The following SLC5A9 variants were observed in gnomAD, a reference collection of about 807,000 sequenced individuals.
SLC5A9 encodes the protein sodium/glucose cotransporter 4.
Under a neutral mutation model 70.9 loss-of-function variants are expected in SLC5A9, and 59 were observed. The observed-to-expected ratio is 0.83, with a 90% CI of 0.68 to 1.03. The LOEUF (loss-of-function observed/expected upper bound fraction) is 1.03. Ranked by LOEUF, SLC5A9 falls within the 50% of genes least tolerant of loss-of-function variation. The pLI is 0.00. For missense variants in SLC5A9, 832 were observed against 881.1 expected (o/e 0.94, Z 0.71); for synonymous variants, 340 against 346.5 (o/e 0.98, Z 0.21).
In SLC5A9 at chr1:48,228,913, G is replaced by A; in HGVS notation, c.298G>A (p.Gly100Arg). Residue 100 changes from glycine (G) to arginine (R), a missense_variant, in exon 3 of 14, where the codon GGG (glycine) becomes AGG (arginine). Gly to Arg is a moderately radical substitution (Grantham distance 125). Transcript: ENST00000438567. ...SGLFIGLAGT[G>R]AAGGLAVGGF... ...CTTGTTCATCGGCCTGGCTGGGACAGGGGCTGCCGGAGGCCTTGCCGTAGG... is the reference window on the plus strand; with the variant it reads ...CTTGTTCATCGGCCTGGCTGGGACAAGGGCTGCCGGAGGCCTTGCCGTAGG... 1 of 1,613,578 alleles carries A rather than the reference G, an allele frequency of 6.2e-7. No individual in the cohort carries two copies. Among genetic ancestry groups the A allele is most frequent in the Non-Finnish European group, 8.5e-7 (1 of 1,179,994 alleles).
rs1284907214 is a variant in SLC5A9 at position 48,222,769 on chromosome 1, A to T, written c.33A>T (p.Gly11=). Residue 11 remains glycine (G), a synonymous_variant, in exon 1 of 14, where the codon GGA becomes GGT. Coordinates refer to ENST00000438567, the MANE Select transcript of SLC5A9 (RefSeq NM_001011547.3). MSKELAAMGP[G]ASGDGVRTET... is the part of the protein sequence containing the mutation. ...AGGAGCTGGCAGCAATGGGGCCTGG[A>T]GCTTCAGGGGACGGGGTCAGGACTG... is the stretch of plus-strand genomic sequence containing the variant. 1 of 1,614,186 alleles carries T rather than the reference A, an allele frequency of 6.2e-7. No homozygotes were observed. Among genetic ancestry groups the T allele is most frequent in the Non-Finnish European group, 8.5e-7 (1 of 1,180,036 alleles).
At chr1:48,241,410 A>G (rs1644388811) in intron 12 of SLC5A9, among the ~76,000 whole-genome samples, 1 of 152,214 alleles carries the variant, frequency 6.6e-6, no homozygotes, top group Non-Finnish European at 1.5e-5. Flanking sequence ...AGAGAGATGC[A>G]TGCTTGGGCC....
chr1:48,244,388 G>A (rs1644425958), intron 13 of SLC5A9, among the ~76,000 whole-genome samples: 1 of 152,098 alleles, frequency 6.6e-6, no homozygotes, highest in Non-Finnish European at 1.5e-5. Flanking sequence ...CCAGACCTGA[G>A]AAGGCTCCCA....
chr1:48,230,293 T>G (rs1042289651), intron 4 of SLC5A9, among the ~76,000 whole-genome samples: 8 of 152,320 alleles, frequency 5.3e-5, no homozygotes, highest in East Asian at 3.9e-4. Flanking sequence ...GCCCAGCACC[T>G]TCCTTCACTT....
chr1:48,244,728 A>AATATATAATATATATAAATTAT (rs1644430904), intron 13 of SLC5A9, among the ~76,000 whole-genome samples: 1 of 33,616 alleles, frequency 3.0e-5, no homozygotes, highest in Non-Finnish European at 6.8e-5. Context: ...ATATATATAA[A>AATATATAATATATATAAATTAT]ATATATAATA....
In SLC5A9 at chr1:48,231,625, G is replaced by A. The variant is rs764095817; in HGVS notation, c.691G>A (p.Gly231Ser). The change falls in exon 6 of 14, where the codon GGC becomes AGC. Residue 231 changes from glycine (G) to serine (S), a missense_variant and splice_region_variant. Physicochemically the swap from Gly to Ser is moderately conservative, Grantham distance 56. Coordinates refer to ENST00000438567, the MANE Select transcript of SLC5A9 (RefSeq NM_001011547.3). ...GGGAGCCCTGGTCCTCATGTTTCTGGGTAAGGAAGAGACCTAAATATACCC... is the reference window on the plus strand; with the variant it reads ...GGGAGCCCTGGTCCTCATGTTTCTGAGTAAGGAAGAGACCTAAATATACCC... The part of the protein sequence containing the change: ...VGGALVLMFL[G>S]FQDVGWYPGL... 1.2e-6 allele frequency: 2 copies of A among 1,614,098 alleles called. No individual in the cohort carries two copies. Among genetic ancestry groups the A allele is most frequent in the Admixed American group, 3.3e-5 (2 of 60,008 alleles).
At chr1:48,226,175 A>G (rs1163192217) in intron 2 of SLC5A9, among the ~76,000 whole-genome samples, 1 of 152,136 alleles carries the variant, frequency 6.6e-6, no homozygotes, top group Non-Finnish European at 1.5e-5. Flanking sequence ...ATCAGGAAAA[A>G]GGAAAAACCC....
intron 12 of SLC5A9, among the ~76,000 whole-genome samples, chr1:48,241,786 C>T (rs1216144990): frequency 1.3e-5 from 2 of 151,904 alleles, no homozygotes; most frequent in African/African-American, 4.8e-5. Context: ...ATACCCACTC[C>T]TTGTCCTGTG....
At chr1:48,238,391 C>T (rs768704661) in intron 11 of SLC5A9, 1 of 152,482 alleles carries the variant, frequency 6.6e-6, no homozygotes, top group African/African-American at 2.4e-5. Context: ...CAAAGTGTGA[C>T]CTTACAAGGG....
rs779408147 is a variant in SLC5A9 at position 48,233,643 on chromosome 1, C to T, written c.1034-12C>T. ...AGATCACGGACTCTAACTGCCATTACTTCTTCCACAGACGAGGTGGGCTGC... is the reference window on the plus strand; with the variant it reads ...AGATCACGGACTCTAACTGCCATTATTTCTTCCACAGACGAGGTGGGCTGC... On this transcript the variant is annotated splice_polypyrimidine_tract_variant and intron_variant, in intron 8 of 13. Coordinates refer to ENST00000438567, the MANE Select transcript of SLC5A9 (RefSeq NM_001011547.3). 1.2e-6 allele frequency: 2 copies of T among 1,611,182 alleles called. No individual in the cohort carries two copies. Among genetic ancestry groups the T allele is most frequent in the African/African-American group, 1.3e-5 (1 of 74,842 alleles).
chr1:48,229,627 C>A, intron 4 of SLC5A9, 168 bp downstream of exon 4: 1 of 1,021,758 alleles, frequency 9.8e-7, no homozygotes, highest in Non-Finnish European at 1.4e-6. Context: ...CACTGGGGTA[C>A]TCAGAGATGA....
chr1:48,234,152 C>T (rs1287503210), intron 9 of SLC5A9, among the ~76,000 whole-genome samples: 3 of 152,080 alleles, frequency 2.0e-5, no homozygotes, highest in Non-Finnish European at 2.9e-5. Context: ...AGCTACATCC[C>T]GAGTTAAATC....
At position 48,224,720 on chromosome 1, in the gene SLC5A9, C is replaced by A; in HGVS notation, c.163-4C>A. The stretch of plus-strand genomic sequence containing the variant: ...AATCCTCATCTCATCTATTTCCTTT[C>A]CAGTCGTCCATCCGTGCAAGTCGAG... On this transcript the variant is annotated splice_polypyrimidine_tract_variant and splice_region_variant and intron_variant, in intron 1 of 13. Coordinates refer to ENST00000438567, the MANE Select transcript of SLC5A9 (RefSeq NM_001011547.3). The A allele has an allele frequency of 6.2e-7, 1 of 1,614,074 alleles. No homozygotes were observed. The highest frequency in any genetic ancestry group is 8.5e-7 in the Non-Finnish European group (1 of 1,179,958).
Position 48,244,878 on chromosome 1 carries a change from G to GTGTGTGTGTATATATATATA in SLC5A9, c.1837+2263_1837+2264insGTGTGTGTATATATATATAT, listed in dbSNP as rs1391896495. ...TGTGTGTGTGTATGTATGTGTATGTGTATATATATATATATATATATATAT... is the reference window on the plus strand; with the variant it reads ...TGTGTGTGTGTATGTATGTGTATGTGTGTGTGTGTATATATATATATATATATATATATATATATATATAT... On this transcript the variant is annotated intron_variant, in intron 13 of 13. Transcript: ENST00000438567. Among the ~76,000 whole-genome samples the GTGTGTGTGTATATATATATA allele has an allele frequency of 2.0e-4, 6 of 29,402 alleles. 1 individual carries two copies. Among genetic ancestry groups the GTGTGTGTGTATATATATATA allele is most frequent in the African/African-American group, 2.5e-4 (3 of 11,882 alleles). The allele number at this position is 29,402 out of a possible 152,430, so 19.3% of individuals were successfully genotyped here.
intron 2 of SLC5A9, 95 bp from the exon 3 acceptor site, chr1:48,228,755 C>G (rs1644200395): frequency 6.4e-7 from 1 of 1,563,368 alleles, no homozygotes; most frequent in East Asian, 2.3e-5. Context: ...AGTGGGTACC[C>G]AACAAATATC....
At chr1:48,238,515 G>C (rs1393036074) in intron 11 of SLC5A9, 1 of 152,238 alleles carries the variant, frequency 6.6e-6, no homozygotes, top group Non-Finnish European at 1.5e-5. Flanking sequence ...GCCTAGAAGA[G>C]ACAGGCTGGC....
chr1:48,242,469 A>G lies in SLC5A9; in HGVS notation c.1690A>G (p.Thr564Ala). 1 of 1,607,952 alleles carries G rather than the reference A, an allele frequency of 6.2e-7. No homozygotes were observed. The highest frequency in any genetic ancestry group is 1.1e-5 in the South Asian group (1 of 90,512). Reference protein sequence around the residue: ...PIPEEQLTRLTWWTRNCPLSE... With the variant: ...PIPEEQLTRLAWWTRNCPLSE... Reference sequence around the variant, plus strand: ...TCTTTCCCTCCAGCTCACACGCCTCACATGGTGGACTCGGAACTGCCCCCT... The same window carrying G: ...TCTTTCCCTCCAGCTCACACGCCTCGCATGGTGGACTCGGAACTGCCCCCT... Residue 564 changes from threonine to alanine, a missense_variant, in exon 13 of 14, where the codon ACA (threonine) becomes GCA (alanine). Thr to Ala is a moderately conservative substitution (Grantham distance 58). Coordinates refer to ENST00000438567, the MANE Select transcript of SLC5A9 (RefSeq NM_001011547.3).
Position 48,228,937 on chromosome 1 carries a change from G to A in SLC5A9, c.322G>A (p.Gly108Ser), listed in dbSNP as rs1644204239. ...GTGAAGGLAVGGFEWNATWLL... is the reference protein window; with the variant it reads ...GTGAAGGLAVSGFEWNATWLL... ...AGGGGCTGCCGGAGGCCTTGCCGTA[G>A]GTGGCTTCGAGTGGAACGTAAGGAA... is the stretch of plus-strand genomic sequence containing the variant. The change falls in exon 3 of 14, where the codon GGT becomes AGT. Residue 108 changes from glycine to serine, a missense_variant. Physicochemically the swap from Gly to Ser is moderately conservative, Grantham distance 56. Transcript: ENST00000438567. The A allele has an allele frequency of 6.2e-7, 1 of 1,613,046 alleles. No individual in the cohort carries two copies. The highest frequency in any genetic ancestry group is 8.5e-7 in the Non-Finnish European group (1 of 1,179,748).
intron 2 of SLC5A9, among the ~76,000 whole-genome samples, chr1:48,226,925 G>A (rs759962789): frequency 8.5e-5 from 13 of 152,190 alleles, no homozygotes; most frequent in Non-Finnish European, 1.3e-4. Context: ...CCCTGGGACC[G>A]CCTGAGAGAG....
Sources: gnomAD v4.1 joint callset for allele counts (sites outside exome capture counted in the v4.1 genomes callset) on GRCh38, gnomAD v4.1.1 for gene constraint, MANE v1.5 for transcripts, NCBI Gene and HGNC (gene_info 2026-07-23, HGNC 2026-07-21) for gene names.